CALN1: variants seen among roughly 807,000 people sequenced by gnomAD.
CALN1 encodes the protein calcium-binding protein 8.
In CALN1, 17 loss-of-function variants were observed where a neutral mutation model predicts 30.6. That is an observed-to-expected ratio of 0.56 (90% CI 0.38 to 0.83). The LOEUF (loss-of-function observed/expected upper bound fraction) is 0.83, where lower values mean the gene tolerates loss of function less well. Among genes scored for constraint, CALN1 ranks in the 40% least tolerant of loss-of-function variants. The probability of loss-of-function intolerance (pLI) is 0.00; values close to 1 mark genes in which losing one functional copy is unlikely to be tolerated. For missense variants in CALN1, 291 were observed against 354.9 expected, an observed-to-expected ratio of 0.82 and a Z score of 1.45; for synonymous variants, 156 against 131.4, an observed-to-expected ratio of 1.19 and a Z score of -1.28.
At chr7:72,164,526 T>A (rs1381933726) in intron 3 of CALN1, among the ~76,000 whole-genome samples, 1 of 152,120 alleles carries the variant, frequency 6.6e-6, no homozygotes, top group Admixed American at 6.5e-5. Context: ...CCTGCAGGTG[T>A]TAGAGGAACC....
At chr7:72,053,872 G>A (rs1803002169) in intron 4 of CALN1, among the ~76,000 whole-genome samples, 2 of 148,676 alleles carry the variant, frequency 1.3e-5, no homozygotes, top group South Asian at 2.1e-4. Context: ...CTTACGTATC[G>A]GTGAGAACAT....
chr7:71,953,438 G>T (rs1205912295), intron 5 of CALN1, among the ~76,000 whole-genome samples: 1 of 152,110 alleles, frequency 6.6e-6, no homozygotes, highest in African/African-American at 2.4e-5. Flanking sequence ...CAGGCCACTC[G>T]AATTGCTGTC....
At chr7:71,828,753 T>G in intron 5 of CALN1, among the ~76,000 whole-genome samples, 1 of 149,520 alleles carries the variant, frequency 6.7e-6, no homozygotes, top group African/African-American at 2.5e-5. Flanking sequence ...ATTTGGGGTT[T>G]TGTGTGTTTT....
At chr7:72,312,863 C>G (rs1800148374) in intron 2 of CALN1, among the ~76,000 whole-genome samples, 1 of 151,320 alleles carries the variant, frequency 6.6e-6, no homozygotes. Context: ...GATACACAGT[C>G]TCATTCTGTC....
In CALN1 at chr7:72,180,895, C is replaced by G. The variant is rs112808689; in HGVS notation, c.245-74601G>C. On this transcript the variant is annotated intron_variant, in intron 3 of 6. Coordinates refer to ENST00000395275, the MANE Select transcript of CALN1 (RefSeq NM_031468.4). ...GGCGGATCACCTGAGATCAGGCACT[C>G]AAGACCAGCCTGGCCAACACAGTGA... Among the ~76,000 whole-genome samples the G allele has an allele frequency of 7.1e-3, 1,079 of 152,076 alleles. 15 individuals are homozygous for G. The highest frequency in any genetic ancestry group is 0.025 in the African/African-American group (1,025 of 41,482).
rs540985082 is a variant in CALN1 at position 71,871,048 on chromosome 7, A to G, written c.502-60556T>C. Among the ~76,000 whole-genome samples the G allele has an allele frequency of 3.1e-3, 471 of 152,322 alleles. 1 individual carries two copies. The highest frequency in any genetic ancestry group is 0.011 in the African/African-American group (459 of 41,578). On this transcript the variant is annotated intron_variant, in intron 5 of 6. Coordinates refer to ENST00000395275, the MANE Select transcript of CALN1 (RefSeq NM_031468.4). Reference sequence around the variant, plus strand: ...CCTGTTGAAGGAATGATTAAGCAAAAAAAAGAAAAAAGAAAAAAAGGTAAG... The same window carrying G: ...CCTGTTGAAGGAATGATTAAGCAAAGAAAAGAAAAAAGAAAAAAAGGTAAG...
intron 5 of CALN1, among the ~76,000 whole-genome samples, chr7:71,829,811 T>A (rs1789151948): frequency 6.6e-6 from 1 of 152,170 alleles, no homozygotes; most frequent in Non-Finnish European, 1.5e-5. Flanking sequence ...GGAAAAACAT[T>A]CATAACCTCA....
chr7:71,986,767 T>C (rs1798693933), intron 5 of CALN1, among the ~76,000 whole-genome samples: 1 of 152,324 alleles, frequency 6.6e-6, no homozygotes, highest in South Asian at 2.1e-4. Context: ...AGGTGATTTG[T>C]TATATAACAT....
At chr7:72,448,027 C>T (rs529307725), upstream of CALN1, among the ~76,000 whole-genome samples, 48 of 151,502 alleles carry the variant, frequency 3.2e-4, no homozygotes, top group Admixed American at 6.6e-4. Context: ...CACACATGCC[C>T]GCTCAGGTTC....
At chr7:72,375,392 G>A (rs1399152326) in intron 2 of CALN1, among the ~76,000 whole-genome samples, 3 of 151,668 alleles carry the variant, frequency 2.0e-5, no homozygotes, top group Non-Finnish European at 4.4e-5. Flanking sequence ...GTAAGACCCT[G>A]GCTCTGCAAA....
intron 2 of CALN1, among the ~76,000 whole-genome samples, chr7:72,309,531 G>A (rs1381807334): frequency 6.6e-6 from 1 of 152,060 alleles, no homozygotes; most frequent in African/African-American, 2.4e-5. Flanking sequence ...AGGGTTACAC[G>A]GGACTCAAGG....
chr7:72,239,040 T>A (rs1017405424), intron 3 of CALN1, among the ~76,000 whole-genome samples: 1 of 152,176 alleles, frequency 6.6e-6, no homozygotes, highest in African/African-American at 2.4e-5. Flanking sequence ...ATCTGTGCCT[T>A]TACAGCCAGT....
At chr7:72,173,951 TA>T (rs1206812496) in intron 3 of CALN1, among the ~76,000 whole-genome samples, 3 of 151,662 alleles carry the variant, frequency 2.0e-5, no homozygotes, top group Non-Finnish European at 4.4e-5. Flanking sequence ...TTATAAAAAA[TA>T]AAAATGTCTG....
chr7:72,438,174 G>A (rs182987225), intron 1 of CALN1, among the ~76,000 whole-genome samples: 19 of 151,758 alleles, frequency 1.3e-4, no homozygotes, highest in African/African-American at 4.4e-4. Flanking sequence ...TAGAGATGAG[G>A]TCTCGCTATG....
chr7:72,368,541 A>G (rs1371004494), intron 2 of CALN1, among the ~76,000 whole-genome samples: 2 of 152,118 alleles, frequency 1.3e-5, no homozygotes, highest in Non-Finnish European at 2.9e-5. Context: ...GAAAATGTCT[A>G]CTGAACATTC....
chr7:71,962,842 A>G (rs1317181029), intron 5 of CALN1, among the ~76,000 whole-genome samples: 1 of 152,220 alleles, frequency 6.6e-6, no homozygotes, highest in Non-Finnish European at 1.5e-5. Flanking sequence ...AAAAAAGACA[A>G]TCCCTGGTGA....
intron 3 of CALN1, among the ~76,000 whole-genome samples, chr7:72,275,391 T>C (rs1216548022): frequency 6.6e-6 from 1 of 152,176 alleles, no homozygotes; most frequent in African/African-American, 2.4e-5. Context: ...GTCATCTGAA[T>C]TGATTCAAGC....
chr7:72,340,874 G>GCT (rs767965662), intron 2 of CALN1, among the ~76,000 whole-genome samples: 85 of 151,802 alleles, frequency 5.6e-4, no homozygotes, highest in Admixed American at 1.3e-3. Context: ...CTTTCACTTG[G>GCT]CTCTCTCTCT....
At chr7:72,464,516 C>T in the CALN1 span, among the ~76,000 whole-genome samples, 2 of 152,206 alleles carry the variant, frequency 1.3e-5, no homozygotes, top group African/African-American at 4.8e-5. Flanking sequence ...CCCTTCATGC[C>T]AATCCCACAC....
Sources: allele counts gnomAD v4.1 joint callset (sites outside exome capture counted in the v4.1 genomes callset), GRCh38; gene constraint gnomAD v4.1.1; transcripts MANE v1.5; gene names NCBI Gene and HGNC (gene_info 2026-07-23, HGNC 2026-07-21).